PTPRT: variants seen among roughly 807,000 people sequenced by gnomAD.
PTPRT encodes receptor-type tyrosine-protein phosphatase T.
PTPRT carries 56 observed loss-of-function variants against 176.8 expected under a neutral mutation model. The ratio of observed to expected loss-of-function variants is 0.32; its 90% CI spans 0.26 to 0.40. PTPRT has a LOEUF of 0.40. Ranked by LOEUF, PTPRT falls within the 10% of genes least tolerant of loss-of-function variation. The pLI is 1.00. For synonymous variants in PTPRT, 783 were observed against 739.0 expected (o/e 1.06, Z -0.96); for missense variants, 1,540 against 1,908.2 (o/e 0.81, Z 3.60).
chr20:42,791,470 G>A lies in PTPRT; in HGVS notation c.215-4C>T, dbSNP rs1316139542. ...CTGTTCACCATCATGAAAGATCCTG[G>A]AGACCCACAAAGCAGGTGGGAAGTA... On this transcript the variant is annotated splice_region_variant and splice_polypyrimidine_tract_variant and intron_variant, in intron 2 of 30. Coordinates refer to ENST00000373187, the MANE Select transcript of PTPRT (RefSeq NM_007050.6). The A allele has an allele frequency of 4.4e-6, 7 of 1,607,224 alleles. No homozygotes were observed. The highest frequency in any genetic ancestry group is 5.1e-6 in the Non-Finnish European group (6 of 1,176,440).
At chr20:42,874,396 T>C (rs1325500069) in intron 2 of PTPRT, among the ~76,000 whole-genome samples, 1 of 152,080 alleles carries the variant, frequency 6.6e-6, no homozygotes, top group Non-Finnish European at 1.5e-5. Flanking sequence ...CCATTAAAAG[T>C]AAAGCATTTC....
At chr20:42,990,975 A>G (rs1983880839) in intron 1 of PTPRT, among the ~76,000 whole-genome samples, 1 of 152,214 alleles carries the variant, frequency 6.6e-6, no homozygotes, top group Non-Finnish European at 1.5e-5. Context: ...ACCTGGTAGG[A>G]ATAAAGGGTA....
At chr20:42,904,061 A>G (rs184236982) in intron 1 of PTPRT, among the ~76,000 whole-genome samples, 1 of 152,292 alleles carries the variant, frequency 6.6e-6, no homozygotes, top group East Asian at 1.9e-4. Context: ...AAAAAAACAG[A>G]CCATCTACCT....
intron 15 of PTPRT, among the ~76,000 whole-genome samples, chr20:42,234,012 C>T (rs1178557633): frequency 1.3e-5 from 2 of 152,152 alleles, no homozygotes; most frequent in Non-Finnish European, 2.9e-5. Context: ...CATTCAAAGA[C>T]CCTGATAGGC....
intron 9 of PTPRT, among the ~76,000 whole-genome samples, chr20:42,354,228 T>A (rs1467611322): frequency 6.6e-6 from 1 of 152,186 alleles, no homozygotes; most frequent in Non-Finnish European, 1.5e-5. Context: ...CCATCAGGGA[T>A]CACCTCTGTG....
At chr20:42,808,546 G>C (rs2077647919) in intron 2 of PTPRT, among the ~76,000 whole-genome samples, 2 of 152,178 alleles carry the variant, frequency 1.3e-5, no homozygotes, top group South Asian at 4.1e-4. Context: ...GCAAGTCCTT[G>C]ATAGTCAAGC....
intron 13 of PTPRT, among the ~76,000 whole-genome samples, chr20:42,276,547 AT>A (rs2057040436): frequency 4.1e-5 from 3 of 73,848 alleles, no homozygotes; most frequent in African/African-American, 1.9e-4. Flanking sequence ...ATATATATAT[AT>A]ATATATATAT....
At chr20:43,104,495 AC>A (rs1187729875) in intron 1 of PTPRT, among the ~76,000 whole-genome samples, 2 of 152,110 alleles carry the variant, frequency 1.3e-5, no homozygotes, top group Non-Finnish European at 2.9e-5. Context: ...AAGCTATTTA[AC>A]CCCCCTGAAA....
chr20:42,834,185 GC>G (rs1420466143), intron 2 of PTPRT, among the ~76,000 whole-genome samples: 1 of 152,020 alleles, frequency 6.6e-6, no homozygotes, highest in African/African-American at 2.4e-5. Flanking sequence ...TTTTAAACGG[GC>G]AAAAAATTTG....
chr20:43,038,990 T>C (rs540478953), intron 1 of PTPRT, among the ~76,000 whole-genome samples: 1 of 152,288 alleles, frequency 6.6e-6, no homozygotes, highest in Admixed American at 6.5e-5. Flanking sequence ...ATCAACACTG[T>C]GAAAATGCCT....
At chr20:42,853,156 C>T (rs2078505075) in intron 2 of PTPRT, among the ~76,000 whole-genome samples, 1 of 152,088 alleles carries the variant, frequency 6.6e-6, no homozygotes, top group South Asian at 2.1e-4. Context: ...GTGGCTTGGC[C>T]CTGAGTATTT....
intron 9 of PTPRT, among the ~76,000 whole-genome samples, chr20:42,386,025 A>C (rs2058741050): frequency 6.6e-6 from 1 of 152,240 alleles, no homozygotes; most frequent in Non-Finnish European, 1.5e-5. Context: ...AAACTAAAAC[A>C]TGTGACTCTA....
chr20:43,110,641 C>A (rs1317647719), intron 1 of PTPRT, among the ~76,000 whole-genome samples: 3 of 152,022 alleles, frequency 2.0e-5, no homozygotes, highest in African/African-American at 7.3e-5. Flanking sequence ...AGATATATGC[C>A]CTTTTCTGTA....
At chr20:43,132,726 C>T (rs1186735505) in intron 1 of PTPRT, among the ~76,000 whole-genome samples, 1 of 152,070 alleles carries the variant, frequency 6.6e-6, no homozygotes, top group Non-Finnish European at 1.5e-5. Flanking sequence ...AATAAAATAA[C>T]CAAACTAGAC....
At chr20:42,817,202 T>A (rs561401071) in intron 2 of PTPRT, among the ~76,000 whole-genome samples, 39 of 152,280 alleles carry the variant, frequency 2.6e-4, no homozygotes, top group African/African-American at 9.1e-4. Context: ...GAAAAGCACT[T>A]TAAGTAAACT....
chr20:42,545,687 A>T (rs1468792111), intron 7 of PTPRT, among the ~76,000 whole-genome samples: 1 of 152,180 alleles, frequency 6.6e-6, no homozygotes, highest in Non-Finnish European at 1.5e-5. Context: ...GCACTCTCAC[A>T]ATTGGTTGAA....
intron 1 of PTPRT, among the ~76,000 whole-genome samples, chr20:43,144,599 T>G (rs988456235): frequency 1.3e-5 from 2 of 152,164 alleles, no homozygotes; most frequent in African/African-American, 2.4e-5. Flanking sequence ...TCAATTTTTA[T>G]GAAATGTCCA....
At chr20:43,090,825 T>TAGACA (rs200642259) in intron 1 of PTPRT, among the ~76,000 whole-genome samples, 2,305 of 150,250 alleles carry the variant, frequency 0.015, 45 homozygotes, top group African/African-American at 0.053. Context: ...ATAGACAAAA[T>TAGACA]AAACAGGAGG....
At chr20:42,264,473 CAT>C (rs1200318893) in intron 13 of PTPRT, among the ~76,000 whole-genome samples, 1 of 152,192 alleles carries the variant, frequency 6.6e-6, no homozygotes, top group East Asian at 1.9e-4. Flanking sequence ...GCCTTACAGC[CAT>C]ATGAGTAGTT....
Sources: gnomAD v4.1 joint callset for allele counts (sites outside exome capture counted in the v4.1 genomes callset) on GRCh38, gnomAD v4.1.1 for gene constraint, MANE v1.5 for transcripts, NCBI Gene and HGNC (gene_info 2026-07-23, HGNC 2026-07-21) for gene names.